The following WDR64 variants were observed in gnomAD, a reference collection of about 807,000 sequenced individuals.
WDR64 encodes WD repeat domain 64.
A neutral mutation model predicts 139.3 loss-of-function variants in WDR64; 112 were observed. The ratio of observed to expected loss-of-function variants is 0.80; its 90% confidence interval spans 0.69 to 0.94. WDR64 has a LOEUF of 0.94. Ranked by LOEUF, WDR64 falls within the 40% of genes least tolerant of loss-of-function variation. WDR64 has a pLI of 0.00. For synonymous variants in WDR64, 444 were observed against 437.7 expected (o/e 1.01, Z -0.18); for missense variants, 1,206 against 1,293.1 (o/e 0.93, Z 1.03).
rs1223296107 is a variant in WDR64, at chr1:241,735,515, G to GTC, written c.1195-2830_1195-2829dup. Among the ~76,000 whole-genome samples, 135 of 130,546 alleles carry GTC rather than the reference G, an allele frequency of 1.0e-3. 1 individual carries two copies. The highest frequency in any genetic ancestry group is 1.4e-3 in the African/African-American group (47 of 33,306). 85.6% of individuals were successfully genotyped at this position (130,546 alleles called of 152,430 possible). ...GTCTCCTTTTAATATTTAGTTCTCTGTCTCTCTCTCTCTCTCTCTTTTTTT... is the reference window on the plus strand; with the variant it reads ...GTCTCCTTTTAATATTTAGTTCTCTGTCTCTCTCTCTCTCTCTCTCTTTTTTT... On this transcript the variant is annotated intron_variant, in intron 10 of 27. Transcript: ENST00000437684.
At chr1:241,741,107 C>T (rs994832028) in intron 11 of WDR64, among the ~76,000 whole-genome samples, 2 of 152,134 alleles carry the variant, frequency 1.3e-5, no homozygotes, top group Non-Finnish European at 2.9e-5. Flanking sequence ...AATAAATTTC[C>T]ACCACTAAGA....
chr1:241,731,005 C>T (rs937898717), intron 10 of WDR64, among the ~76,000 whole-genome samples: 2 of 152,118 alleles, frequency 1.3e-5, no homozygotes, highest in Admixed American at 6.5e-5. Context: ...TATTCACAAC[C>T]TTTGACACAA....
At chr1:241,737,934 G>A (rs1669388490) in intron 10 of WDR64, among the ~76,000 whole-genome samples, 1 of 152,144 alleles carries the variant, frequency 6.6e-6, no homozygotes, top group Non-Finnish European at 1.5e-5. Flanking sequence ...TTAGTAAGAT[G>A]TTCCCATCGT....
intron 22 of WDR64, 51 bp downstream of exon 22, chr1:241,780,113 G>A: frequency 1.4e-6 from 2 of 1,427,090 alleles, no homozygotes; most frequent in East Asian, 4.9e-5. Flanking sequence ...TATATTTATT[G>A]AGCATTTCTC....
chr1:241,769,556 G>A, intron 17 of WDR64, 51 bp downstream of exon 17: 1 of 1,458,726 alleles, frequency 6.9e-7, no homozygotes, highest in Non-Finnish European at 9.4e-7. Flanking sequence ...TTAGGTGGCT[G>A]ATACATTAGG....
At chr1:241,787,516 T>G (rs990896886) in intron 23 of WDR64, among the ~76,000 whole-genome samples, 3 of 147,792 alleles carry the variant, frequency 2.0e-5, no homozygotes, top group Non-Finnish European at 4.5e-5. Flanking sequence ...AATACAAGAA[T>G]TAGCCAAGTA....
At position 241,801,133 on chromosome 1, in the gene WDR64, C is replaced by T. The variant is rs866946208; in HGVS notation, c.3194C>T (p.Ala1065Val). Residue 1065 changes from alanine to valine, a missense_variant and splice_region_variant, in exon 28 of 28, where the codon GCA becomes GTA. Coordinates refer to ENST00000437684, the MANE Select transcript of WDR64 (RefSeq NM_001367482.1). ...ACTGACATGCTCTTTATTTCACAGG[C>T]ACCACGAAGAAGAAGTTTGAAAAAA... is the stretch of plus-strand genomic sequence containing the variant. ...KKGGHVQREK[A>V]PRRRSLKKNL... 6.2e-6 allele frequency: 10 copies of T among 1,613,186 alleles called. No homozygotes were observed. The highest frequency in any genetic ancestry group is 8.5e-6 in the Non-Finnish European group (10 of 1,179,492).
intron 8 of WDR64, among the ~76,000 whole-genome samples, chr1:241,698,336 A>G (rs1667577650): frequency 6.6e-6 from 1 of 152,030 alleles, no homozygotes; most frequent in African/African-American, 2.4e-5. Context: ...ATAACCACTC[A>G]TGGCATCTGT....
At chr1:241,687,745 T>C (rs560140551) in intron 8 of WDR64, 150 bp downstream of exon 8, 5 of 861,280 alleles carry the variant, frequency 5.8e-6, no homozygotes, top group Non-Finnish European at 8.6e-6. Flanking sequence ...ATTAGATTTC[T>C]CAGGAAGAAA....
At chr1:241,796,406 T>C in intron 27 of WDR64, 36 bp downstream of exon 27, 1 of 1,348,886 alleles carries the variant, frequency 7.4e-7, no homozygotes, top group Non-Finnish European at 1.1e-6. Context: ...AACTCCAATT[T>C]CAGTGTATCC....
rs948458374 is a variant in WDR64, at chr1:241,782,181, G to C, written c.2596-1091G>C. On this transcript the variant is annotated intron_variant, in intron 22 of 27. Transcript: ENST00000437684. ...CACGTGCCGGTAGTCACAGCTACTC[G>C]GGAGGCTGAGGCAGGAGAATCACCT... Among the ~76,000 whole-genome samples the C allele has an allele frequency of 1.2e-4, 18 of 152,314 alleles. No homozygotes were observed. In the East Asian group the frequency reaches 2.7e-3, roughly 23 times the overall value.
rs1553359566 is a variant in WDR64, at chr1:241,655,706, T to TTTC, written c.145+3079_145+3080insCTT. On this transcript the variant is annotated intron_variant, in intron 1 of 27. Coordinates refer to ENST00000437684, the MANE Select transcript of WDR64 (RefSeq NM_001367482.1). The stretch of plus-strand genomic sequence containing the variant: ...ATATGGAGTGCCTTTTTTTCTTTTC[T>TTTC]TTTTTTTTTTTTGATGCCTGTAAAC... 3.4e-5 allele frequency among the ~76,000 whole-genome samples: 5 copies of TTTC among 145,634 alleles called. No homozygotes were observed. The East Asian group carries it at 9.9e-4, about 29-fold the overall frequency.
intron 19 of WDR64, among the ~76,000 whole-genome samples, chr1:241,771,953 T>TAC (rs1658466888): frequency 1.5e-5 from 1 of 67,602 alleles, no homozygotes; most frequent in Non-Finnish European, 2.9e-5. Flanking sequence ...TACATATATA[T>TAC]ATATATATAT....
intron 21 of WDR64, 54 bp from the exon 22 acceptor site, chr1:241,779,946 TATTG>T: frequency 7.4e-7 from 1 of 1,345,348 alleles, no homozygotes; most frequent in Non-Finnish European, 1.0e-6. Context: ...TTTTGGATAG[TATTG>T]ATTTAGATAA....
chr1:241,755,178 C>T (rs973099709), intron 14 of WDR64, among the ~76,000 whole-genome samples: 2 of 152,192 alleles, frequency 1.3e-5, no homozygotes, highest in African/African-American at 4.8e-5. Context: ...CTAGTTTACA[C>T]TCCCACCAAC....
At position 241,746,537 on chromosome 1, in the gene WDR64, T is replaced by C. The variant is rs529977034; in HGVS notation, c.1594+2021T>C. On this transcript the variant is annotated intron_variant, in intron 13 of 27. Coordinates refer to ENST00000437684, the MANE Select transcript of WDR64 (RefSeq NM_001367482.1). ...GTGGGTGGTGTTTTAAAAAAAAAAGTTTATAGCAGATTTATTGATAATAAC... is the reference window on the plus strand; with the variant it reads ...GTGGGTGGTGTTTTAAAAAAAAAAGCTTATAGCAGATTTATTGATAATAAC... 4.7e-5 allele frequency among the ~76,000 whole-genome samples: 7 copies of C among 148,844 alleles called. No individual in the cohort carries two copies. In the South Asian group the frequency reaches 1.3e-3, roughly 27 times the overall value.
At chr1:241,725,512 C>T (rs1668784817) in intron 10 of WDR64, among the ~76,000 whole-genome samples, 1 of 151,970 alleles carries the variant, frequency 6.6e-6, no homozygotes, top group Admixed American at 6.6e-5. Context: ...AAGGCCCAGT[C>T]GTTCCCTCCA....
At chr1:241,662,003 AT>A (rs1284602953) in intron 2 of WDR64, among the ~76,000 whole-genome samples, 1 of 152,224 alleles carries the variant, frequency 6.6e-6, no homozygotes, top group Non-Finnish European at 1.5e-5. Context: ...TTTTCGAAAA[AT>A]GTTTGCAGAC....
Position 241,774,996 on chromosome 1 carries a change from A to G in WDR64, c.2431-109A>G. ...CAGGGGAATCGTGGTTCAGTAGTAG[A>G]GATAATTCTTGAGATGCATTATTTA... is the stretch of plus-strand genomic sequence containing the variant. On this transcript the variant is annotated intron_variant, in intron 20 of 27. Coordinates refer to ENST00000437684, the MANE Select transcript of WDR64 (RefSeq NM_001367482.1). 1.3e-5 allele frequency: 11 copies of G among 820,512 alleles called. No individual in the cohort carries two copies. The South Asian group carries it at 2.0e-4, about 15-fold the overall frequency. 50.8% of individuals were successfully genotyped at this position (820,512 alleles called of 1,614,324 possible). A position where few individuals can be genotyped will look rare whatever the true frequency, so the allele number is the denominator to read the frequency against.
Sources: gnomAD v4.1 joint callset for allele counts (sites outside exome capture counted in the v4.1 genomes callset) on GRCh38, gnomAD v4.1.1 for gene constraint, MANE v1.5 for transcripts, NCBI Gene and HGNC (gene_info 2026-07-23, HGNC 2026-07-21) for gene names.